Variants in AP2M1 observed in about 807,000 individuals in gnomAD.
AP2M1 encodes the protein adaptor related protein complex 2 subunit mu 1.
Under a neutral mutation model 54.5 loss-of-function variants are expected in AP2M1, and 5 were observed. That is an observed-to-expected ratio of 0.09 (90% CI 0.05 to 0.19). The LOEUF (loss-of-function observed/expected upper bound fraction) is 0.19, where lower values mean the gene tolerates loss of function less well. Among genes scored for constraint, AP2M1 ranks in the 10% least tolerant of loss-of-function variants. AP2M1 has a pLI of 1.00. For synonymous variants in AP2M1, 186 were observed against 208.2 expected (o/e 0.89, Z 0.92); for missense variants, 178 against 580.2 (o/e 0.31, Z 7.12).
intron 2 of AP2M1, chr3:184,177,778 T>C: frequency 1.5e-6 from 1 of 657,200 alleles, no homozygotes. Context: ...GGACCTATCC[T>C]AGCCTCCGAG....
chr3:184,181,526 C>T lies in AP2M1; in HGVS notation c.708-170C>T, dbSNP rs1715273669. On this transcript the variant is annotated intron_variant, in intron 7 of 11. Coordinates refer to ENST00000292807, the MANE Select transcript of AP2M1 (RefSeq NM_004068.4). This position sits in a 1 kb window ranked among gnomAD's most constrained non-coding sequence, Gnocchi z 5.7. ...AGCAGAAGGAGCCCCAAGAGATGAG[C>T]TTGCAAGGCTTCCCTCTCATCCCAA... The T allele has an allele frequency of 1.0e-6, 1 of 976,820 alleles. No individual in the cohort carries two copies. Among genetic ancestry groups the T allele is most frequent in the Non-Finnish European group, 1.5e-6 (1 of 671,172 alleles). The allele number at this position is 976,820 out of a possible 1,614,324, so 60.5% of individuals were successfully genotyped here. A position where few individuals can be genotyped will look rare whatever the true frequency, so the allele number is the denominator to read the frequency against.
In AP2M1 at chr3:184,183,653, C is replaced by G; in HGVS notation, c.*37C>G. ...CAGCTAGCCCACCTCCCCAGCCACCCTCCTCCACAGGTCCAGGTGCCGCTC... is the reference window on the plus strand; with the variant it reads ...CAGCTAGCCCACCTCCCCAGCCACCGTCCTCCACAGGTCCAGGTGCCGCTC... On this transcript the variant is annotated 3_prime_UTR_variant, in exon 12 of 12. Coordinates refer to ENST00000292807, the MANE Select transcript of AP2M1 (RefSeq NM_004068.4). This position sits in a 1 kb window ranked among gnomAD's most constrained non-coding sequence, Gnocchi z 5.7. 1 of 1,608,064 alleles carries G rather than the reference C, an allele frequency of 6.2e-7. No homozygotes were observed. The highest frequency in any genetic ancestry group is 8.5e-7 in the Non-Finnish European group (1 of 1,177,810).
chr3:184,174,885 C>A lies in AP2M1; in HGVS notation c.-118C>A. On this transcript the variant is annotated 5_prime_UTR_variant, in exon 1 of 12. Transcript: ENST00000292807. ...GGTGAAAGCCGAGGCAGCGGGCAGA[C>A]GAGCAGGGGGCGGGCGGACATCTTG... is the stretch of plus-strand genomic sequence containing the variant. 2.5e-6 allele frequency: 1 copy of A among 398,394 alleles called. No homozygotes were observed. Among genetic ancestry groups the A allele is most frequent in the Non-Finnish European group, 4.4e-6 (1 of 225,892 alleles). The allele number at this position is 398,394 out of a possible 1,614,324, so 24.7% of individuals were successfully genotyped here.
At chr3:184,175,870 C>T (rs1267219136) in intron 1 of AP2M1, among the ~76,000 whole-genome samples, 1 of 152,182 alleles carries the variant, frequency 6.6e-6, no homozygotes, top group Non-Finnish European at 1.5e-5. Context: ...AGTCCACCAC[C>T]TTGAGAGACC....
At position 184,181,657 on chromosome 3, in the gene AP2M1, C is replaced by G; in HGVS notation, c.708-39C>G. The stretch of plus-strand genomic sequence containing the variant: ...GTCTCCCAGCATGACAGCTGTCATT[C>G]TCCTGTACCAATGAGACCTCTTCTG... On this transcript the variant is annotated intron_variant, in intron 7 of 11. Coordinates refer to ENST00000292807, the MANE Select transcript of AP2M1 (RefSeq NM_004068.4). This position sits in a 1 kb window ranked among gnomAD's most constrained non-coding sequence, Gnocchi z 5.7. 6.2e-7 allele frequency: 1 copy of G among 1,611,150 alleles called. No individual in the cohort carries two copies.
chr3:184,177,241 C>G (rs760460731), intron 2 of AP2M1, among the ~76,000 whole-genome samples, 174 bp downstream of exon 2: 7 of 152,336 alleles, frequency 4.6e-5, no homozygotes, highest in Non-Finnish European at 2.9e-5. Flanking sequence ...GGTATTGGCC[C>G]GGCAGCCAGC....
Position 184,182,704 on chromosome 3 carries a change from C to A in AP2M1, c.1062-53C>A. On this transcript the variant is annotated intron_variant, in intron 10 of 11. Transcript: ENST00000292807. The surrounding 1 kb of genome is among the most constrained non-coding windows in gnomAD (Gnocchi z 5.5). ...CTCCTTGCTTGAAATGGGCAACTGC[C>A]CTTGAAACTCCTCCAAGCCCCAATG... The A allele has an allele frequency of 6.6e-7, 1 of 1,522,424 alleles. No individual in the cohort carries two copies. The allele number at this position is 1,522,424 out of a possible 1,614,324, so 94.3% of individuals were successfully genotyped here. A position where few individuals can be genotyped will look rare whatever the true frequency, so the allele number is the denominator to read the frequency against.
chr3:184,175,347 G>A (rs747320425), intron 1 of AP2M1, among the ~76,000 whole-genome samples: 2 of 152,100 alleles, frequency 1.3e-5, no homozygotes, highest in Admixed American at 6.5e-5. Flanking sequence ...CACCGTGACA[G>A]GTCTCACGCC....
At chr3:184,176,878 A>T (rs775129964) in intron 1 of AP2M1, 73 bp from the exon 2 acceptor site, 2 of 1,078,746 alleles carry the variant, frequency 1.9e-6, no homozygotes, top group Non-Finnish European at 2.6e-6. Context: ...AGCTCCAGTG[A>T]CCTGCACAGC....
In AP2M1 at chr3:184,183,106, T is replaced by TA. The variant is rs1157470860; in HGVS notation, c.1173+239dup. The stretch of plus-strand genomic sequence containing the variant: ...CCTAACACAGTTCTTTCAAAAAACT[T>TA]AGATTGTTTAAATGCCAGGTAAGAC... On this transcript the variant is annotated intron_variant, in intron 11 of 11. Coordinates refer to ENST00000292807, the MANE Select transcript of AP2M1 (RefSeq NM_004068.4). This position sits in a 1 kb window ranked among gnomAD's most constrained non-coding sequence, Gnocchi z 5.7. 3 of 579,044 alleles carry TA rather than the reference T, an allele frequency of 5.2e-6. No homozygotes were observed. The East Asian group carries it at 8.9e-5, about 17-fold the overall frequency. 35.9% of individuals were successfully genotyped at this position (579,044 alleles called of 1,614,324 possible).
rs201451423 is a variant in AP2M1 at position 184,180,705 on chromosome 3, C to G, written c.429+55C>G. ...CAGCTTTGCTTTGTTTCTCCAGGCC[C>G]TGCCCTTTGGGGCTTATAGGGGAAA... On this transcript the variant is annotated intron_variant, in intron 5 of 11. Transcript: ENST00000292807. This position sits in a 1 kb window ranked among gnomAD's most constrained non-coding sequence, Gnocchi z 4.9. 2.1e-5 allele frequency: 34 copies of G among 1,614,122 alleles called. No individual in the cohort carries two copies. The highest frequency in any genetic ancestry group is 1.6e-4 in the Middle Eastern group (1 of 6,084).
rs901895470 is a variant in AP2M1, at chr3:184,182,541, G to A, written c.1062-216G>A. Among the ~76,000 whole-genome samples the A allele has an allele frequency of 2.6e-5, 4 of 152,050 alleles. No homozygotes were observed. Among genetic ancestry groups the A allele is most frequent in the Non-Finnish European group, 5.9e-5 (4 of 68,012 alleles). On this transcript the variant is annotated intron_variant, in intron 10 of 11. Coordinates refer to ENST00000292807, the MANE Select transcript of AP2M1 (RefSeq NM_004068.4). This position sits in a 1 kb window ranked among gnomAD's most constrained non-coding sequence, Gnocchi z 5.5. ...TATCTGTGAAGCAGACAAAGCAAAC[G>A]ATAGCATGTCCAAGTGTCTAGGCAG...
rs1320217225 is a variant in AP2M1, at chr3:184,178,363, C to G, written c.75-494C>G. ...GAATGGGTAGCACAATTCCATGGCC[C>G]CTTGGTACTTCTCCCTCCTTTGTGA... On this transcript the variant is annotated intron_variant, in intron 2 of 11. Coordinates refer to ENST00000292807, the MANE Select transcript of AP2M1 (RefSeq NM_004068.4). This position sits in a 1 kb window ranked among gnomAD's most constrained non-coding sequence, Gnocchi z 4.9. 1 of 1,139,582 alleles carries G rather than the reference C, an allele frequency of 8.8e-7. No individual in the cohort carries two copies. Among genetic ancestry groups the G allele is most frequent in the Non-Finnish European group, 1.3e-6 (1 of 785,534 alleles). 70.6% of individuals were successfully genotyped at this position (1,139,582 alleles called of 1,614,324 possible). A position where few individuals can be genotyped will look rare whatever the true frequency, so the allele number is the denominator to read the frequency against.
At position 184,177,002 on chromosome 3, in the gene AP2M1, A is replaced by T. The variant is rs1396107492; in HGVS notation, c.9A>T (p.Gly3=). 1 of 1,613,630 alleles carries T rather than the reference A, an allele frequency of 6.2e-7. No individual in the cohort carries two copies. Among genetic ancestry groups the T allele is most frequent in the African/African-American group, 1.3e-5 (1 of 74,876 alleles). ...GAGACTGATCTGCCGCCATGATTGG[A>T]GGCTTATTCATCTATAATCACAAGG... The part of the protein sequence containing the change: MI[G]GLFIYNHKGE... Residue 3 remains glycine, a synonymous_variant, in exon 2 of 12, where the codon GGA becomes GGT. Transcript: ENST00000292807.
rs577174503 is a variant in AP2M1 at position 184,180,053 on chromosome 3, C to A, written c.341-116C>A. ...AAATGCTACAAAGCTAGAAGACTTTCTTGCGGATGATCCCACATGGGCTTT... is the reference window on the plus strand; with the variant it reads ...AAATGCTACAAAGCTAGAAGACTTTATTGCGGATGATCCCACATGGGCTTT... On this transcript the variant is annotated intron_variant, in intron 3 of 11. Transcript: ENST00000292807. The surrounding 1 kb of genome is among the most constrained non-coding windows in gnomAD (Gnocchi z 4.9). 246 of 858,436 alleles carry A rather than the reference C, an allele frequency of 2.9e-4. 5 individuals carry two copies. The South Asian group carries it at 3.6e-3, about 13-fold the overall frequency. 53.2% of individuals were successfully genotyped at this position (858,436 alleles called of 1,614,324 possible).
Position 184,180,911 on chromosome 3 carries a change from G to C in AP2M1, c.492G>C (p.Glu164Asp). The C allele has an allele frequency of 6.2e-7, 1 of 1,614,232 alleles. No individual in the cohort carries two copies. The highest frequency in any genetic ancestry group is 8.5e-7 in the Non-Finnish European group (1 of 1,180,046). ...QVTGQIGWRR[E>D]GIKYRRNELF... ...CTGGGCAGATTGGCTGGCGGCGAGA[G>C]GGTATCAAGTATCGTCGGAATGAGC... Residue 164 changes from glutamate to aspartate, a missense_variant, in exon 6 of 12, where the codon GAG becomes GAC. Physicochemically the swap from Glu to Asp is conservative, Grantham distance 45. Around this residue, in one of 5 missense-constraint regions of AP2M1, gnomAD observed 115 missense variants for 331.2 expected, o/e 0.35. Coordinates refer to ENST00000292807, the MANE Select transcript of AP2M1 (RefSeq NM_004068.4). This position sits in a 1 kb window ranked among gnomAD's most constrained non-coding sequence, Gnocchi z 4.9.
Position 184,180,411 on chromosome 3 carries a change from G to A in AP2M1, c.423+160G>A. 1 of 1,071,790 alleles carries A rather than the reference G, an allele frequency of 9.3e-7. No individual in the cohort carries two copies. Among genetic ancestry groups the A allele is most frequent in the East Asian group, 2.6e-5 (1 of 38,952 alleles). 66.4% of individuals were successfully genotyped at this position (1,071,790 alleles called of 1,614,324 possible). A position where few individuals can be genotyped will look rare whatever the true frequency, so the allele number is the denominator to read the frequency against. On this transcript the variant is annotated intron_variant, in intron 4 of 11. Transcript: ENST00000292807. This position sits in a 1 kb window ranked among gnomAD's most constrained non-coding sequence, Gnocchi z 4.9. ...TTGCAGGCCGATTTTGCTCTGTGTG[G>A]TCCTCCCACTGCAGGAGCAGCCAAT... is the stretch of plus-strand genomic sequence containing the variant.
Position 184,180,999 on chromosome 3 carries a change from A to G in AP2M1, c.565+15A>G. On this transcript the variant is annotated intron_variant, in intron 6 of 11. Transcript: ENST00000292807. The surrounding 1 kb of genome is among the most constrained non-coding windows in gnomAD (Gnocchi z 4.9). ...GTCCCCACAAGGTGAGGTCCCTCTC[A>G]CGACAAAGTTGGAGGGGGCCCAGGG... is the stretch of plus-strand genomic sequence containing the variant. 1 of 1,614,088 alleles carries G rather than the reference A, an allele frequency of 6.2e-7. No individual in the cohort carries two copies. The highest frequency in any genetic ancestry group is 1.6e-4 in the Middle Eastern group (1 of 6,062).
chr3:184,181,643 T>C lies in AP2M1; in HGVS notation c.708-53T>C. 2 of 1,602,920 alleles carry C rather than the reference T, an allele frequency of 1.2e-6. No individual in the cohort carries two copies. The highest frequency in any genetic ancestry group is 8.5e-7 in the Non-Finnish European group (1 of 1,173,518). On this transcript the variant is annotated intron_variant, in intron 7 of 11. Coordinates refer to ENST00000292807, the MANE Select transcript of AP2M1 (RefSeq NM_004068.4). The surrounding 1 kb of genome is among the most constrained non-coding windows in gnomAD (Gnocchi z 5.7). ...CCTGGGGTGGAGTGGTCTCCCAGCA[T>C]GACAGCTGTCATTCTCCTGTACCAA...
Sources: allele counts gnomAD v4.1 joint callset (sites outside exome capture counted in the v4.1 genomes callset), GRCh38; gene constraint gnomAD v4.1.1; regional missense constraint gnomAD v4.1.1; non-coding constraint Gnocchi (gnomAD v3.1); transcripts MANE v1.5; gene names NCBI Gene and HGNC (gene_info 2026-07-23, HGNC 2026-07-21).